GABRA3: variants seen among roughly 807,000 people sequenced by gnomAD.
GABRA3 encodes the protein gamma-aminobutyric acid type A receptor subunit alpha3, also known as gamma-aminobutyric acid receptor subunit alpha-3.
In GABRA3, 10 loss-of-function variants were observed where a neutral mutation model predicts 30.1. The ratio of observed to expected loss-of-function variants is 0.33; its 90% confidence interval spans 0.20 to 0.56. The LOEUF is 0.56. Ranked by LOEUF, GABRA3 falls within the 20% of genes least tolerant of loss-of-function variation. GABRA3 has a pLI of 0.89. For synonymous variants in GABRA3, 151 were observed against 146.8 expected (o/e 1.03, Z -0.21); for missense variants, 233 against 392.0 (o/e 0.59, Z 3.42).
intron 1 of GABRA3, among the ~76,000 whole-genome samples, chrX:152,380,269 C>T (rs919849458): frequency 9.0e-6 from 1 of 111,294 alleles, no homozygotes; most frequent in Non-Finnish European, 1.9e-5. Flanking sequence ...CTCTCTACCC[C>T]ACCCAATCTC....
At chrX:152,395,783 T>G (rs1037584482) in intron 1 of GABRA3, among the ~76,000 whole-genome samples, 1 of 112,062 alleles carries the variant, frequency 8.9e-6, no homozygotes, top group Non-Finnish European at 1.9e-5. Flanking sequence ...ATGACTGATA[T>G]ATGAGCTAGT....
chrX:152,233,580 T>A (rs1204371324), intron 5 of GABRA3, among the ~76,000 whole-genome samples: 6 of 109,870 alleles, frequency 5.5e-5, no homozygotes, highest in Non-Finnish European at 3.8e-5. Context: ...GAAATAGAAC[T>A]CTTTTACACT....
At chrX:152,435,272 T>C (rs1051656253) in intron 1 of GABRA3, among the ~76,000 whole-genome samples, 1 of 110,995 alleles carries the variant, frequency 9.0e-6, no homozygotes, top group Non-Finnish European at 1.9e-5. Flanking sequence ...TATAAATCAC[T>C]CTACTATAAA....
intron 4 of GABRA3, among the ~76,000 whole-genome samples, chrX:152,270,964 C>T (rs867691996): frequency 1.0e-5 from 1 of 97,562 alleles, no homozygotes; most frequent in Non-Finnish European, 2.1e-5. Flanking sequence ...CTAGAGACTT[C>T]TTTTTTTTTT....
chrX:152,244,486 C>T (rs970423856), intron 5 of GABRA3, among the ~76,000 whole-genome samples: 1 of 111,625 alleles, frequency 9.0e-6, no homozygotes, highest in African/African-American at 3.3e-5. Context: ...AAAAAGTTGC[C>T]ATATTTGAAG....
rs909349903 is a variant in GABRA3, at chrX:152,239,922, C to T, written c.552-15077G>A. Among the ~76,000 whole-genome samples the T allele has an allele frequency of 2.4e-4, 24 of 101,235 alleles. 3 individuals carry two copies. The highest frequency in any genetic ancestry group is 1.7e-3 in the Admixed American group (16 of 9,598). The allele number at this position is 101,235 out of a possible 115,157, so 87.9% of individuals were successfully genotyped here. ...TGAGATGGGTTTGCTGAATACAGCA[C>T]ACTGATGGGTCTTGACTCTTTATCC... On this transcript the variant is annotated intron_variant, in intron 5 of 9. Coordinates refer to ENST00000370314, the MANE Select transcript of GABRA3 (RefSeq NM_000808.4).
chrX:152,421,989 CAGTATCTAATA>C (rs1569422085), intron 1 of GABRA3, among the ~76,000 whole-genome samples: 1 of 111,341 alleles, frequency 9.0e-6, no homozygotes, highest in Non-Finnish European at 1.9e-5. Context: ...AACTTCTTGG[CAGTATCTAATA>C]AGTTGAAAAT....
At chrX:152,411,794 G>A (rs994785328) in intron 1 of GABRA3, among the ~76,000 whole-genome samples, 1 of 111,725 alleles carries the variant, frequency 9.0e-6, no homozygotes, top group Non-Finnish European at 1.9e-5. Context: ...ACATCCACAA[G>A]TGAGAGAAAA....
At chrX:152,450,036 C>T (rs143156208) in intron 1 of GABRA3, among the ~76,000 whole-genome samples, 27 of 111,273 alleles carry the variant, frequency 2.4e-4, no homozygotes, top group Middle Eastern at 4.6e-3. Flanking sequence ...GGCACAGCAG[C>T]GTCACTCACT....
At chrX:152,417,281 A>C (rs1197192028) in intron 1 of GABRA3, among the ~76,000 whole-genome samples, 27 of 102,345 alleles carry the variant, frequency 2.6e-4, no homozygotes, top group African/African-American at 7.9e-4. Flanking sequence ...AAAATGCTCA[A>C]CATCACTGGC....
intron 1 of GABRA3, among the ~76,000 whole-genome samples, chrX:152,400,140 T>G (rs779520229): frequency 1.1e-4 from 12 of 111,545 alleles, no homozygotes; most frequent in Admixed American, 9.6e-4. Flanking sequence ...AATTTATGTT[T>G]TATTAATATT....
intron 4 of GABRA3, among the ~76,000 whole-genome samples, chrX:152,260,010 GC>G (rs1938702067): frequency 9.0e-6 from 1 of 110,596 alleles, no homozygotes; most frequent in African/African-American, 3.3e-5. Flanking sequence ...GGAGGAGACT[GC>G]CCTGAAAGGT....
intron 1 of GABRA3, among the ~76,000 whole-genome samples, chrX:152,395,871 AAC>A (rs1460125544): frequency 1.8e-5 from 2 of 112,035 alleles, no homozygotes; most frequent in African/African-American, 6.5e-5. Context: ...GTGATATATG[AAC>A]AGAGAACTAA....
chrX:152,421,130 CACAA>C (rs1208107905), intron 1 of GABRA3, among the ~76,000 whole-genome samples: 2 of 103,546 alleles, frequency 1.9e-5, no homozygotes, highest in Non-Finnish European at 3.9e-5. Context: ...CACACACACA[CACAA>C]GGCACCTATA....
chrX:152,425,043 A>G (rs1930484231), intron 1 of GABRA3, among the ~76,000 whole-genome samples: 2 of 98,757 alleles, frequency 2.0e-5, no homozygotes, highest in South Asian at 9.6e-4. Context: ...GGCTCAAGCA[A>G]CTCTCCCACC....
intron 3 of GABRA3, among the ~76,000 whole-genome samples, chrX:152,308,420 G>A (rs1197064279): frequency 8.9e-6 from 1 of 112,160 alleles, no homozygotes; most frequent in African/African-American, 3.2e-5. Flanking sequence ...GGCAGATCAG[G>A]AACATCTCAG....
At chrX:152,225,097 T>C (rs781416611) in intron 5 of GABRA3, among the ~76,000 whole-genome samples, 1 of 108,635 alleles carries the variant, frequency 9.2e-6, no homozygotes, top group Non-Finnish European at 1.9e-5. Flanking sequence ...AAAACAGATA[T>C]AACTTTTCTG....
chrX:152,303,613 A>G (rs1209267945), intron 3 of GABRA3, among the ~76,000 whole-genome samples: 2 of 112,097 alleles, frequency 1.8e-5, no homozygotes, highest in African/African-American at 6.5e-5. Context: ...ACATATACCC[A>G]TGGAATACCA....
rs1204814043 is a variant in GABRA3, at chrX:152,445,060, CAAAAAAAA to C, written c.-27+6078_-27+6085del. Among the ~76,000 whole-genome samples, 6 of 18,713 alleles carry C rather than the reference CAAAAAAAA, an allele frequency of 3.2e-4. No individual in the cohort carries two copies. The East Asian group carries it at 9.5e-3, about 30-fold the overall frequency. 16.2% of individuals were successfully genotyped at this position (18,713 alleles called of 115,157 possible). ...TGGGCAACAGAGTGAGACTCCGTCT[CAAAAAAAA>C]AAAAAAAAAAAAAAAAAAATACTTG... is the stretch of plus-strand genomic sequence containing the variant. On this transcript the variant is annotated intron_variant, in intron 1 of 9. Transcript: ENST00000370314.
Sources: allele counts gnomAD v4.1 joint callset (sites outside exome capture counted in the v4.1 genomes callset), GRCh38; gene constraint gnomAD v4.1.1; transcripts MANE v1.5; gene names NCBI Gene and HGNC (gene_info 2026-07-23, HGNC 2026-07-21).